Variants in DPP6 observed in about 807,000 individuals in gnomAD.
The protein encoded by DPP6 is A-type potassium channel modulatory protein DPP6.
Under a neutral mutation model 122.6 loss-of-function variants are expected in DPP6, and 69 were observed. The ratio of observed to expected loss-of-function variants is 0.56; its 90% confidence interval spans 0.46 to 0.69. The LOEUF is 0.69. Among genes scored for constraint, DPP6 ranks in the 30% least tolerant of loss-of-function variants. The probability of loss-of-function intolerance (pLI) is 0.00; values close to 1 mark genes in which losing one functional copy is unlikely to be tolerated. For synonymous variants in DPP6, 418 were observed against 433.1 expected (o/e 0.97, Z 0.43); for missense variants, 928 against 1,116.9 (o/e 0.83, Z 2.41).
intron 20 of DPP6, among the ~76,000 whole-genome samples, chr7:154,878,480 T>C (rs1401422473): frequency 6.6e-6 from 1 of 152,214 alleles, no homozygotes. Context: ...CGCCAAGCCA[T>C]AGAAAGCCTC....
rs140535084 is a variant in DPP6 at position 154,878,901 on chromosome 7, T to G, written c.2079-1987T>G. Among the ~76,000 whole-genome samples, 142 of 152,380 alleles carry G rather than the reference T, an allele frequency of 9.3e-4. 1 individual carries two copies. Among genetic ancestry groups the G allele is most frequent in the African/African-American group, 3.3e-3 (138 of 41,588 alleles). On this transcript the variant is annotated intron_variant, in intron 20 of 25. Transcript: ENST00000377770. Reference sequence around the variant, plus strand: ...AGGAGCAGCAGAAATGCCTCATTTTTATTTACTCATTTGTTCACGTAGCTA... The same window carrying G: ...AGGAGCAGCAGAAATGCCTCATTTTGATTTACTCATTTGTTCACGTAGCTA...
At chr7:153,892,231 G>A (rs1799234018) in intron 1 of DPP6, among the ~76,000 whole-genome samples, 1 of 152,220 alleles carries the variant, frequency 6.6e-6, no homozygotes, top group Non-Finnish European at 1.5e-5. Flanking sequence ...CGATGATGCT[G>A]TACTTGTAAT....
chr7:154,303,140 C>G (rs1021878648), intron 1 of DPP6, among the ~76,000 whole-genome samples: 8 of 152,166 alleles, frequency 5.3e-5, no homozygotes, highest in Admixed American at 5.2e-4. Context: ...CGCCGCCACG[C>G]CCAGCTAATT....
chr7:153,776,375 T>C, the DPP6 span, among the ~76,000 whole-genome samples: 1 of 152,154 alleles, frequency 6.6e-6, no homozygotes, highest in Non-Finnish European at 1.5e-5. Flanking sequence ...TGAGGCGTGA[T>C]GGTTTTATAT....
At chr7:154,705,013 C>T (rs1182260978) in intron 7 of DPP6, among the ~76,000 whole-genome samples, 1 of 152,116 alleles carries the variant, frequency 6.6e-6, no homozygotes, top group Non-Finnish European at 1.5e-5. Context: ...ATTACAAGCA[C>T]ACGCCATTGA....
At chr7:153,791,472 G>A in the DPP6 span, among the ~76,000 whole-genome samples, 38 of 129,070 alleles carry the variant, frequency 2.9e-4, no homozygotes, top group African/African-American at 1.1e-3. Flanking sequence ...AGGCTGGAGT[G>A]CAATGGCAGG....
chr7:154,227,233 C>CT (rs1457710462), intron 1 of DPP6, among the ~76,000 whole-genome samples: 1 of 152,010 alleles, frequency 6.6e-6, no homozygotes, highest in African/African-American at 2.4e-5. Flanking sequence ...CACACACACC[C>CT]CTAGGAATAT....
At chr7:154,077,356 C>G (rs1290145028) in intron 1 of DPP6, among the ~76,000 whole-genome samples, 3 of 152,210 alleles carry the variant, frequency 2.0e-5, no homozygotes, top group Non-Finnish European at 4.4e-5. Flanking sequence ...TGTCCTGAAT[C>G]CCTGGACCCT....
At chr7:153,799,461 T>G in the DPP6 span, among the ~76,000 whole-genome samples, 2 of 152,158 alleles carry the variant, frequency 1.3e-5, no homozygotes, top group Non-Finnish European at 2.9e-5. Flanking sequence ...GGCAGTGGAT[T>G]CCAGACTGAA....
intron 1 of DPP6, among the ~76,000 whole-genome samples, chr7:154,295,746 C>T (rs1180726959): frequency 1.3e-5 from 2 of 152,150 alleles, no homozygotes; most frequent in Non-Finnish European, 2.9e-5. Context: ...TGGCAAAACA[C>T]ATTCTTTGTA....
At chr7:154,163,622 A>G (rs1475489012) in intron 1 of DPP6, among the ~76,000 whole-genome samples, 1 of 152,206 alleles carries the variant, frequency 6.6e-6, no homozygotes, top group Non-Finnish European at 1.5e-5. Flanking sequence ...TGTATCAATA[A>G]GATCGCCAGA....
At chr7:153,901,696 C>T (rs370355554) in intron 1 of DPP6, among the ~76,000 whole-genome samples, 2 of 152,196 alleles carry the variant, frequency 1.3e-5, no homozygotes, top group African/African-American at 2.4e-5. Flanking sequence ...GACAGACCCT[C>T]GTTGTTTCTT....
At chr7:154,718,555 C>G (rs1206204419) in intron 7 of DPP6, among the ~76,000 whole-genome samples, 2 of 151,910 alleles carry the variant, frequency 1.3e-5, no homozygotes, top group East Asian at 3.9e-4. Context: ...TCCCACACCC[C>G]CCCCAACTTT....
chr7:154,370,992 T>C (rs931462307), intron 1 of DPP6, among the ~76,000 whole-genome samples: 1 of 152,152 alleles, frequency 6.6e-6, no homozygotes, highest in Non-Finnish European at 1.5e-5. Flanking sequence ...CTATGCAGTT[T>C]TGGAACCCTC....
chr7:153,920,989 A>G (rs1412462073), intron 1 of DPP6, among the ~76,000 whole-genome samples: 2 of 152,258 alleles, frequency 1.3e-5, no homozygotes, highest in African/African-American at 4.8e-5. Context: ...TACCCACACG[A>G]TCCTGAAGTT....
intron 7 of DPP6, among the ~76,000 whole-genome samples, chr7:154,727,136 A>G (rs1471222458): frequency 1.3e-5 from 2 of 152,336 alleles, no homozygotes; most frequent in Admixed American, 6.5e-5. Context: ...ATTGCTCTAA[A>G]GAACTACCTG....
rs1815847191 is a variant in DPP6, at chr7:154,403,775, CT to C, written c.244-42435del. On this transcript the variant is annotated intron_variant, in intron 1 of 25. Transcript: ENST00000377770. This position sits in a 1 kb window ranked among gnomAD's most constrained non-coding sequence, Gnocchi z 4.1. ...CCCCTTCCTGTTTTACACTTCTGGTCTTTTGGTTCTCAATACCTCGGGGTGT... is the reference window on the plus strand; with the variant it reads ...CCCCTTCCTGTTTTACACTTCTGGTCTTTGGTTCTCAATACCTCGGGGTGT... 6.6e-6 allele frequency among the ~76,000 whole-genome samples: 1 copy of C among 152,206 alleles called. No homozygotes were observed. The highest frequency in any genetic ancestry group is 2.1e-4 in the South Asian group (1 of 4,836).
chr7:154,377,888 G>C (rs901500767), intron 1 of DPP6, among the ~76,000 whole-genome samples: 1 of 152,206 alleles, frequency 6.6e-6, no homozygotes, highest in African/African-American at 2.4e-5. Flanking sequence ...GGCTGTGTGA[G>C]CCACTTGGGC....
chr7:153,946,882 A>G (rs1056173675), intron 1 of DPP6, among the ~76,000 whole-genome samples: 3 of 152,166 alleles, frequency 2.0e-5, no homozygotes, highest in African/African-American at 7.2e-5. Flanking sequence ...GTGTGAAGAC[A>G]GAGCTGACCA....
Sources: allele counts gnomAD v4.1 joint callset (sites outside exome capture counted in the v4.1 genomes callset), GRCh38; gene constraint gnomAD v4.1.1; non-coding constraint Gnocchi (gnomAD v3.1); transcripts MANE v1.5; gene names NCBI Gene and HGNC (gene_info 2026-07-23, HGNC 2026-07-21).